Variants in GPC5 observed in about 807,000 individuals in gnomAD.
GPC5 encodes the protein glypican-5.
GPC5 carries 47 observed loss-of-function variants against 53.9 expected under a neutral mutation model. That is an observed-to-expected ratio of 0.87 (90% CI 0.69 to 1.11). The LOEUF is 1.11. Ranked by LOEUF, GPC5 falls within the 50% of genes most tolerant of loss-of-function variation. The pLI, the probability that GPC5 is intolerant of heterozygous loss-of-function variation, is 0.00. For synonymous variants in GPC5, 286 were observed against 263.3 expected (o/e 1.09, Z -0.84); for missense variants, 748 against 713.1 (o/e 1.05, Z -0.56).
At chr13:92,072,631 T>C (rs2041222577) in intron 6 of GPC5, among the ~76,000 whole-genome samples, 1 of 146,744 alleles carries the variant, frequency 6.8e-6, no homozygotes, top group African/African-American at 2.5e-5. Flanking sequence ...TGGAGTGCAC[T>C]GGCATGATCT....
At chr13:92,546,395 C>G (rs1029112889) in intron 7 of GPC5, among the ~76,000 whole-genome samples, 1 of 152,104 alleles carries the variant, frequency 6.6e-6, no homozygotes, top group Admixed American at 6.6e-5. Flanking sequence ...AGAGCCAAAT[C>G]ATGAGTGAAC....
intron 6 of GPC5, among the ~76,000 whole-genome samples, chr13:92,038,303 T>C (rs61966420): frequency 3.6e-4 from 55 of 151,572 alleles, no homozygotes; most frequent in Non-Finnish European, 7.4e-4. Flanking sequence ...AAATATTCAT[T>C]AGGCACTTGG....
rs1211280505 is a variant in GPC5, at chr13:92,520,692, C to G, written c.1562-345590C>G. 2.6e-5 allele frequency among the ~76,000 whole-genome samples: 4 copies of G among 152,220 alleles called. No homozygotes were observed. The East Asian group carries it at 7.7e-4, about 29-fold the overall frequency. ...CAGTATCATACTGAATGGGCACAAA[C>G]TGGAAGCATTCCCTTGGAAAACTGG... On this transcript the variant is annotated intron_variant, in intron 7 of 7. Transcript: ENST00000377067.
chr13:91,513,529 T>A (rs1369192122), intron 2 of GPC5, among the ~76,000 whole-genome samples: 1 of 151,992 alleles, frequency 6.6e-6, no homozygotes, highest in Non-Finnish European at 1.5e-5. Flanking sequence ...TCACCTGAGG[T>A]CAGGAGTTCA....
chr13:92,411,073 C>A (rs1876020455), intron 7 of GPC5, among the ~76,000 whole-genome samples: 1 of 151,794 alleles, frequency 6.6e-6, no homozygotes, highest in Non-Finnish European at 1.5e-5. Flanking sequence ...CCTGTCTCTC[C>A]AAAACAAACA....
At chr13:92,159,264 G>A (rs967996977) in intron 7 of GPC5, among the ~76,000 whole-genome samples, 1 of 152,150 alleles carries the variant, frequency 6.6e-6, no homozygotes, top group Admixed American at 6.6e-5. Flanking sequence ...AGGGAGAGGG[G>A]AAAGCACTTC....
chr13:92,598,195 G>A (rs1309392453), intron 7 of GPC5, among the ~76,000 whole-genome samples: 1 of 152,114 alleles, frequency 6.6e-6, no homozygotes, highest in African/African-American at 2.4e-5. Flanking sequence ...TTCAAACTGT[G>A]AAATCCTCAG....
intron 4 of GPC5, among the ~76,000 whole-genome samples, chr13:91,733,766 A>G (rs2036754276): frequency 6.6e-6 from 1 of 152,180 alleles, no homozygotes; most frequent in South Asian, 2.1e-4. Context: ...GAATCATGTT[A>G]TCTGAAAACA....
chr13:92,823,520 C>T (rs1877743366), intron 7 of GPC5, among the ~76,000 whole-genome samples: 1 of 152,022 alleles, frequency 6.6e-6, no homozygotes, highest in Non-Finnish European at 1.5e-5. Flanking sequence ...GAGTGTACTA[C>T]CATGTTCATT....
At chr13:92,067,779 GTGTA>G (rs1434964635) in intron 6 of GPC5, among the ~76,000 whole-genome samples, 1 of 151,930 alleles carries the variant, frequency 6.6e-6, no homozygotes, top group Non-Finnish European at 1.5e-5. Flanking sequence ...ACATGTATCT[GTGTA>G]TGTGTCTATA....
At chr13:91,710,808 G>A (rs962758700) in intron 3 of GPC5, among the ~76,000 whole-genome samples, 2 of 152,012 alleles carry the variant, frequency 1.3e-5, no homozygotes, top group African/African-American at 4.8e-5. Context: ...TGCTTTTTTT[G>A]TAGTTCACTC....
At chr13:91,795,774 A>G (rs547137785) in intron 5 of GPC5, among the ~76,000 whole-genome samples, 1 of 152,024 alleles carries the variant, frequency 6.6e-6, no homozygotes, top group Non-Finnish European at 1.5e-5. Context: ...CTTGGCTGCA[A>G]CCCATTCCAT....
At chr13:91,781,992 A>G (rs1445099646) in intron 5 of GPC5, among the ~76,000 whole-genome samples, 3 of 152,238 alleles carry the variant, frequency 2.0e-5, no homozygotes, top group Middle Eastern at 3.2e-3. Flanking sequence ...CTCAAAACAT[A>G]TTAAAATATG....
chr13:92,195,430 C>T (rs1425091529), intron 7 of GPC5, among the ~76,000 whole-genome samples: 4 of 152,132 alleles, frequency 2.6e-5, no homozygotes, highest in African/African-American at 7.2e-5. Context: ...GAGTTAGGAG[C>T]GTATTGGCTC....
At chr13:91,460,996 A>T (rs1317660147) in intron 2 of GPC5, among the ~76,000 whole-genome samples, 1 of 152,152 alleles carries the variant, frequency 6.6e-6, no homozygotes, top group African/African-American at 2.4e-5. Context: ...GTAGCAATAA[A>T]TGTGGTATAG....
chr13:91,934,563 G>T (rs1168897623), intron 6 of GPC5, among the ~76,000 whole-genome samples: 1 of 151,890 alleles, frequency 6.6e-6, no homozygotes, highest in Non-Finnish European at 1.5e-5. Context: ...GAGCAAAGTT[G>T]GGATTTAAGT....
intron 2 of GPC5, among the ~76,000 whole-genome samples, chr13:91,477,512 C>A (rs940095882): frequency 6.6e-6 from 1 of 152,156 alleles, no homozygotes. Flanking sequence ...ATTGAGGAAG[C>A]AGCCAATTGT....
rs1231491101 is a variant in GPC5, at chr13:92,007,079, A to AT, written c.1401+99026dup. On this transcript the variant is annotated intron_variant, in intron 6 of 7. Transcript: ENST00000377067. The stretch of plus-strand genomic sequence containing the variant: ...AAATTTGTATTGATGCTAGTGTGCA[A>AT]TTTTAAACCATAAAAGTTCAGTATG... Among the ~76,000 whole-genome samples the AT allele has an allele frequency of 2.6e-5, 4 of 152,214 alleles. No individual in the cohort carries two copies. In the East Asian group the frequency reaches 7.7e-4, roughly 29 times the overall value.
chr13:91,543,522 T>C (rs903506296), intron 2 of GPC5, among the ~76,000 whole-genome samples: 1 of 100,968 alleles, frequency 9.9e-6, no homozygotes, highest in African/African-American at 3.0e-5. Flanking sequence ...TCTTACTACA[T>C]GATTTTTCAA....
Sources: gnomAD v4.1 joint callset for allele counts (sites outside exome capture counted in the v4.1 genomes callset) on GRCh38, gnomAD v4.1.1 for gene constraint, MANE v1.5 for transcripts, NCBI Gene and HGNC (gene_info 2026-07-23, HGNC 2026-07-21) for gene names.